The following FAF1 variants were observed in gnomAD, a reference collection of about 807,000 sequenced individuals.
FAF1 encodes FAS-associated factor 1.
FAF1 carries 25 observed loss-of-function variants against 92.5 expected under a neutral mutation model. The ratio of observed to expected loss-of-function variants is 0.27; its 90% CI spans 0.20 to 0.38. FAF1 has a LOEUF of 0.38. Ranked by LOEUF, FAF1 falls within the 10% of genes least tolerant of loss-of-function variation. The pLI is 1.00. For synonymous variants in FAF1, 234 were observed against 273.2 expected (o/e 0.86, Z 1.42); for missense variants, 636 against 793.3 (o/e 0.80, Z 2.38).
rs533956769 is a variant in FAF1, at chr1:50,729,030, C to A, written c.551+9833G>T. Among the ~76,000 whole-genome samples, 244 of 74,440 alleles carry A rather than the reference C, an allele frequency of 3.3e-3. 1 individual carries two copies. The highest frequency in any genetic ancestry group is 8.9e-3 in the East Asian group (33 of 3,706). 48.8% of individuals were successfully genotyped at this position (74,440 alleles called of 152,430 possible). ...TCTATCTATCTATCTATCTATCTAT[C>A]TATCTATATATATATATATATATAT... On this transcript the variant is annotated intron_variant, in intron 6 of 18. Coordinates refer to ENST00000396153, the MANE Select transcript of FAF1 (RefSeq NM_007051.3).
At chr1:50,928,480 G>A (rs1391317782) in intron 1 of FAF1, among the ~76,000 whole-genome samples, 1 of 152,056 alleles carries the variant, frequency 6.6e-6, no homozygotes, top group Admixed American at 6.6e-5. Flanking sequence ...TAGGTGTTCT[G>A]TATTTAAAAA....
At chr1:50,852,586 T>C (rs924279100) in intron 2 of FAF1, among the ~76,000 whole-genome samples, 2 of 152,082 alleles carry the variant, frequency 1.3e-5, no homozygotes, top group African/African-American at 4.8e-5. Flanking sequence ...AAAAGCATAC[T>C]AGGTAGGGAA....
chr1:50,650,583 G>A (rs115427752), intron 8 of FAF1, among the ~76,000 whole-genome samples: 13 of 152,002 alleles, frequency 8.6e-5, no homozygotes, highest in Non-Finnish European at 1.5e-4. Flanking sequence ...TCTCACCACC[G>A]CACTCCACCC....
At chr1:50,684,023 C>A (rs1458910087) in intron 7 of FAF1, among the ~76,000 whole-genome samples, 2 of 151,648 alleles carry the variant, frequency 1.3e-5, no homozygotes, top group Non-Finnish European at 2.9e-5. Context: ...AAAAATTAAT[C>A]AGTTAGTTAC....
At chr1:50,769,693 C>T (rs938744212) in intron 4 of FAF1, among the ~76,000 whole-genome samples, 3 of 152,100 alleles carry the variant, frequency 2.0e-5, no homozygotes, top group South Asian at 2.1e-4. Flanking sequence ...TAAGCAAAAA[C>T]CACATGATCA....
At chr1:50,854,908 C>T (rs958506665) in intron 2 of FAF1, among the ~76,000 whole-genome samples, 1 of 150,826 alleles carries the variant, frequency 6.6e-6, no homozygotes, top group South Asian at 2.1e-4. Flanking sequence ...AAAGGAAATG[C>T]TCGATGGAAC....
chr1:50,729,085 C>T (rs1385927463), intron 6 of FAF1, among the ~76,000 whole-genome samples: 4 of 109,894 alleles, frequency 3.6e-5, no homozygotes, highest in Admixed American at 1.1e-4. Flanking sequence ...GGCAGAGTTT[C>T]GCTATTGTTG....
intron 1 of FAF1, among the ~76,000 whole-genome samples, chr1:50,895,024 A>T (rs180817210): frequency 3.6e-4 from 55 of 152,314 alleles, no homozygotes; most frequent in African/African-American, 1.2e-3. Flanking sequence ...AAGAGAAATA[A>T]TAAAGATCAG....
chr1:50,490,371 G>C (rs1646816973), intron 17 of FAF1, among the ~76,000 whole-genome samples: 1 of 136,610 alleles, frequency 7.3e-6, no homozygotes, highest in Non-Finnish European at 1.5e-5. Flanking sequence ...ACAGAGCGAA[G>C]ACTCTATCTC....
intron 6 of FAF1, among the ~76,000 whole-genome samples, chr1:50,734,960 C>T (rs1406628813): frequency 6.6e-6 from 1 of 152,036 alleles, no homozygotes; most frequent in Non-Finnish European, 1.5e-5. Context: ...GAGAACTCTC[C>T]AGAATACCAA....
At chr1:50,758,760 G>A (rs1366612070) in intron 4 of FAF1, among the ~76,000 whole-genome samples, 4 of 152,078 alleles carry the variant, frequency 2.6e-5, no homozygotes, top group Admixed American at 2.6e-4. Flanking sequence ...TAGCATTCTA[G>A]GTGAAAATTT....
chr1:50,817,245 T>G (rs759797537), intron 2 of FAF1, among the ~76,000 whole-genome samples: 1 of 152,176 alleles, frequency 6.6e-6, no homozygotes, highest in Non-Finnish European at 1.5e-5. Flanking sequence ...GCAACCCAAG[T>G]GTCAATCAAC....
chr1:50,611,035 T>C (rs1300886732), intron 8 of FAF1, among the ~76,000 whole-genome samples: 1 of 152,168 alleles, frequency 6.6e-6, no homozygotes, highest in East Asian at 1.9e-4. Flanking sequence ...ACATTTCCTT[T>C]AAAACAAAAT....
Position 50,475,562 on chromosome 1 carries a change from G to A in FAF1, c.1771C>T (p.Leu591=), listed in dbSNP as rs757210868. The change falls in exon 18 of 19, where the codon CTG becomes TTG. Residue 591 remains leucine (L), a synonymous_variant. Transcript: ENST00000396153. The part of the protein sequence containing the change: ...PSGEFLERRF[L]ASNKLQIVFD... The stretch of plus-strand genomic sequence containing the variant: ...ACAATCTGGAGCTTGTTGCTGGCCA[G>A]GAAACGCCGCTCCAAGAACTCGCCA... 4 of 1,614,140 alleles carry A rather than the reference G, an allele frequency of 2.5e-6. No individual in the cohort carries two copies. Among genetic ancestry groups the A allele is most frequent in the Non-Finnish European group, 1.7e-6 (2 of 1,180,006 alleles).
At chr1:50,515,698 T>C (rs915740672) in intron 15 of FAF1, among the ~76,000 whole-genome samples, 1 of 152,174 alleles carries the variant, frequency 6.6e-6, no homozygotes. Context: ...GAATACTTAC[T>C]GCCCACAGTT....
Position 50,801,122 on chromosome 1 carries a change from G to A in FAF1, c.161+509C>T, listed in dbSNP as rs149154651. On this transcript the variant is annotated intron_variant, in intron 3 of 18. Transcript: ENST00000396153. ...CAAAACCTCTAAAACCATTCCACTT[G>A]TTAACACTGGATACTTCAAGTAAAA... Among the ~76,000 whole-genome samples the A allele has an allele frequency of 2.0e-5, 3 of 152,262 alleles. No homozygotes were observed. In the East Asian group the frequency reaches 5.8e-4, roughly 29 times the overall value.
At chr1:50,709,715 A>G (rs1657838466) in intron 6 of FAF1, among the ~76,000 whole-genome samples, 1 of 152,194 alleles carries the variant, frequency 6.6e-6, no homozygotes, top group Non-Finnish European at 1.5e-5. Context: ...TGGGCGATAC[A>G]AGGTGAACAA....
intron 1 of FAF1, among the ~76,000 whole-genome samples, chr1:50,859,631 A>T (rs571540915): frequency 6.6e-6 from 1 of 152,172 alleles, no homozygotes; most frequent in South Asian, 2.1e-4. Context: ...AAAACATTCC[A>T]TGCTCACAGG....
intron 2 of FAF1, among the ~76,000 whole-genome samples, chr1:50,817,849 C>G (rs1643993216): frequency 6.6e-6 from 1 of 151,996 alleles, no homozygotes; most frequent in Admixed American, 6.6e-5. Flanking sequence ...TGAATTATAT[C>G]TCAATAAAGC....
Sources: gnomAD v4.1 joint callset for allele counts (sites outside exome capture counted in the v4.1 genomes callset) on GRCh38, gnomAD v4.1.1 for gene constraint, MANE v1.5 for transcripts, NCBI Gene and HGNC (gene_info 2026-07-23, HGNC 2026-07-21) for gene names.